AK8: variants seen among roughly 807,000 people sequenced by gnomAD.
AK8 encodes ATP-AMP transphosphorylase 8.
In AK8, 44 loss-of-function variants were observed where a neutral mutation model predicts 54.6. The ratio of observed to expected loss-of-function variants is 0.81; its 90% CI spans 0.63 to 1.04. The LOEUF is 1.04. AK8 is among the 50% of genes least tolerant of loss of function. AK8 has a pLI of 0.00. For synonymous variants in AK8, 239 were observed against 245.6 expected, an observed-to-expected ratio of 0.97 and a Z score of 0.25; for missense variants, 555 against 613.6, an observed-to-expected ratio of 0.90 and a Z score of 1.01.
At chr9:132,868,468 C>A (rs1183352891) in intron 2 of AK8, among the ~76,000 whole-genome samples, 2 of 152,178 alleles carry the variant, frequency 1.3e-5, no homozygotes, top group African/African-American at 4.8e-5. Flanking sequence ...TGTCATTTCC[C>A]ATCAGGAATG....
At chr9:132,830,305 T>C (rs528310926) in intron 5 of AK8, among the ~76,000 whole-genome samples, 90 of 152,308 alleles carry the variant, frequency 5.9e-4, no homozygotes, top group Admixed American at 2.5e-3. Flanking sequence ...CTCAGATAAA[T>C]TTCTAAAAGT....
At chr9:132,757,762 C>CT (rs1386704443) in intron 11 of AK8, among the ~76,000 whole-genome samples, 1 of 152,100 alleles carries the variant, frequency 6.6e-6, no homozygotes, top group Non-Finnish European at 1.5e-5. Context: ...CTGAAATACT[C>CT]TATCTGTCTA....
chr9:132,777,632 G>A (rs892105433), intron 11 of AK8, among the ~76,000 whole-genome samples: 7 of 151,998 alleles, frequency 4.6e-5, no homozygotes, highest in Admixed American at 2.6e-4. Flanking sequence ...AATGGTGGGC[G>A]GGGCTACTAC....
At position 132,857,073 on chromosome 9, in the gene AK8, G is replaced by A. The variant is rs147024199; in HGVS notation, c.334-2148C>T. On this transcript the variant is annotated intron_variant, in intron 4 of 12. Transcript: ENST00000298545. The stretch of plus-strand genomic sequence containing the variant: ...GAGACCAGAGAGGCAAGAAGGAGGC[G>A]AGCCAGCATCCAGTCCCTGGCTCCA... 4.9e-3 allele frequency among the ~76,000 whole-genome samples: 742 copies of A among 152,230 alleles called. 11 individuals are homozygous for A. Among genetic ancestry groups the A allele is most frequent in the African/African-American group, 0.016 (682 of 41,516 alleles).
At chr9:132,807,340 G>A (rs1214134129) in intron 10 of AK8, among the ~76,000 whole-genome samples, 1 of 152,222 alleles carries the variant, frequency 6.6e-6, no homozygotes, top group Non-Finnish European at 1.5e-5. Flanking sequence ...TGGGGACATG[G>A]CATGGCTGGC....
At position 132,808,951 on chromosome 9, in the gene AK8, C is replaced by CT. The variant is rs545362881; in HGVS notation, c.979+5686dup. On this transcript the variant is annotated intron_variant, in intron 10 of 12. Transcript: ENST00000298545. ...TGGCTTGGGGAGTGGTGGGGATGGG[C>CT]TTTCTGCACTGGGTGGCTAGATGGT... Among the ~76,000 whole-genome samples the CT allele has an allele frequency of 4.0e-3, 608 of 152,264 alleles. 4 individuals are homozygous for CT. The highest frequency in any genetic ancestry group is 0.014 in the African/African-American group (572 of 41,562).
At chr9:132,737,095 T>C (rs1255956921) in intron 11 of AK8, among the ~76,000 whole-genome samples, 2 of 152,096 alleles carry the variant, frequency 1.3e-5, no homozygotes, top group African/African-American at 4.8e-5. Flanking sequence ...TTAATGCTAC[T>C]AAACTTACAC....
Position 132,820,170 on chromosome 9 carries a change from G to GGGAA in AK8, c.889+3031_889+3034dup, listed in dbSNP as rs1210293622. Among the ~76,000 whole-genome samples, 33 of 138,448 alleles carry GGGAA rather than the reference G, an allele frequency of 2.4e-4. No individual in the cohort carries two copies. The South Asian group carries it at 3.4e-3, about 14-fold the overall frequency. The allele number at this position is 138,448 out of a possible 152,430, so 90.8% of individuals were successfully genotyped here. A position where few individuals can be genotyped will look rare whatever the true frequency, so the allele number is the denominator to read the frequency against. On this transcript the variant is annotated intron_variant, in intron 9 of 12. Coordinates refer to ENST00000298545, the MANE Select transcript of AK8 (RefSeq NM_152572.3). ...AAAAAAAAAAAAAAAAAAAGACAAA[G>GGGAA]GGAAGGAAGGAAGGAAGGAAGGAAA...
chr9:132,790,620 AC>A lies in AK8; in HGVS notation c.1121+2013del, dbSNP rs1839906855. ...CCAGTAGCACCTTAATGTCAGCAGT[AC>A]CAGGACAGCCCTTATGGTCAGGAAA... On this transcript the variant is annotated intron_variant, in intron 11 of 12. Transcript: ENST00000298545. This position sits in a 1 kb window ranked among gnomAD's most constrained non-coding sequence, Gnocchi z 4.1. Among the ~76,000 whole-genome samples, 1 of 152,188 alleles carries A rather than the reference AC, an allele frequency of 6.6e-6. No homozygotes were observed. The highest frequency in any genetic ancestry group is 2.4e-5 in the African/African-American group (1 of 41,450).
intron 11 of AK8, among the ~76,000 whole-genome samples, chr9:132,728,055 C>T (rs1018393915): frequency 1.3e-5 from 2 of 152,178 alleles, no homozygotes; most frequent in African/African-American, 2.4e-5. Context: ...TACCTCTATA[C>T]ATTAGATTTT....
intron 11 of AK8, among the ~76,000 whole-genome samples, chr9:132,783,808 A>G (rs1193868048): frequency 6.6e-6 from 1 of 152,170 alleles, no homozygotes; most frequent in African/African-American, 2.4e-5. Context: ...TAAAAGCATT[A>G]TGGAAACAAA....
chr9:132,762,102 A>AT lies in AK8; in HGVS notation c.1121+30531dup, dbSNP rs1838501892. 3.9e-5 allele frequency among the ~76,000 whole-genome samples: 6 copies of AT among 152,222 alleles called. No individual in the cohort carries two copies. In the South Asian group the frequency reaches 1.2e-3, roughly 32 times the overall value. ...CCAGGCTGGTCTCGAACTCCTGGCC[A>AT]TAAGTGATCTGCCCACCTTGGCCTC... On this transcript the variant is annotated intron_variant, in intron 11 of 12. Coordinates refer to ENST00000298545, the MANE Select transcript of AK8 (RefSeq NM_152572.3).
At chr9:132,792,274 T>A (rs1312541408) in intron 11 of AK8, among the ~76,000 whole-genome samples, 1 of 152,214 alleles carries the variant, frequency 6.6e-6, no homozygotes. Context: ...TCATACTGCC[T>A]ACTCACATCC....
intron 11 of AK8, among the ~76,000 whole-genome samples, chr9:132,758,233 G>A (rs779425198): frequency 6.6e-6 from 1 of 152,180 alleles, no homozygotes; most frequent in African/African-American, 2.4e-5. Flanking sequence ...ACAGTCACAC[G>A]AATACGCGGA....
chr9:132,825,556 G>A (rs868856638), intron 8 of AK8, among the ~76,000 whole-genome samples: 1 of 152,146 alleles, frequency 6.6e-6, no homozygotes. Context: ...GCCATCATAA[G>A]CCTGGCATTT....
At chr9:132,873,016 T>C (rs1023353967) in intron 2 of AK8, among the ~76,000 whole-genome samples, 1 of 152,124 alleles carries the variant, frequency 6.6e-6, no homozygotes, top group East Asian at 1.9e-4. Context: ...GATTTCACCA[T>C]GTTAGCCAGG....
At chr9:132,875,385 C>G in intron 1 of AK8, 186 bp from the exon 2 acceptor site, 1 of 902,802 alleles carries the variant, frequency 1.1e-6, no homozygotes, top group Non-Finnish European at 1.3e-6. Context: ...AGGGGGGCCA[C>G]GTGGTGCTGC....
At chr9:132,752,916 A>T (rs1838013928) in intron 11 of AK8, among the ~76,000 whole-genome samples, 1 of 152,106 alleles carries the variant, frequency 6.6e-6, no homozygotes, top group South Asian at 2.1e-4. Context: ...CCTAGCAGGT[A>T]TTTCTGCTCT....
At chr9:132,854,818 T>C (rs747197261) in intron 5 of AK8, 39 bp downstream of exon 5, 15 of 1,609,638 alleles carry the variant, frequency 9.3e-6, no homozygotes, top group Non-Finnish European at 1.3e-5. Context: ...CCCTCCCCTT[T>C]ATCTTGGCAC....
Sources: allele counts gnomAD v4.1 joint callset (sites outside exome capture counted in the v4.1 genomes callset), GRCh38; gene constraint gnomAD v4.1.1; non-coding constraint Gnocchi (gnomAD v3.1); transcripts MANE v1.5; gene names NCBI Gene and HGNC (gene_info 2026-07-23, HGNC 2026-07-21).